The following PTPRD variants were observed in gnomAD, a reference collection of about 807,000 sequenced individuals.
PTPRD encodes protein tyrosine phosphatase receptor type D, also known as receptor-type tyrosine-protein phosphatase delta.
Under a neutral mutation model 214.5 loss-of-function variants are expected in PTPRD, and 34 were observed. That is an observed-to-expected ratio of 0.16 (90% confidence interval 0.12 to 0.21). The LOEUF is 0.21. Among genes scored for constraint, PTPRD ranks in the 10% least tolerant of loss-of-function variants. The pLI, the probability that PTPRD is intolerant of heterozygous loss-of-function variation, is 1.00. For missense variants in PTPRD, 2,545 were observed against 2,398.7 expected (o/e 1.06, Z -1.27); for synonymous variants, 1,128 against 845.7 (o/e 1.33, Z -5.79).
intron 7 of PTPRD, among the ~76,000 whole-genome samples, chr9:9,629,445 C>A (rs2095522876): frequency 6.6e-6 from 1 of 151,998 alleles, no homozygotes; most frequent in African/African-American, 2.4e-5. Flanking sequence ...AGAAAACTGT[C>A]TTTGAATCTT....
intron 4 of PTPRD, among the ~76,000 whole-genome samples, chr9:10,007,114 A>G (rs2096494950): frequency 6.6e-6 from 1 of 152,008 alleles, no homozygotes; most frequent in African/African-American, 2.4e-5. Flanking sequence ...ATTAAAGATC[A>G]AAGAGTTTAA....
At position 9,305,235 on chromosome 9, in the gene PTPRD, C is replaced by A. The variant is rs894696161; in HGVS notation, c.-203+92214G>T. On this transcript the variant is annotated intron_variant, in intron 9 of 45. Transcript: ENST00000381196. ...TCTTACCTAGCTGCAGTTTCATTTT[C>A]TATTCTGTCATTGTAGATATTTACT... is the stretch of plus-strand genomic sequence containing the variant. Among the ~76,000 whole-genome samples, 3 of 151,800 alleles carry A rather than the reference C, an allele frequency of 2.0e-5. No individual in the cohort carries two copies. The Admixed American group carries it at 2.0e-4, about 10-fold the overall frequency.
At chr9:8,442,897 G>A (rs2095594233) in intron 34 of PTPRD, among the ~76,000 whole-genome samples, 1 of 151,780 alleles carries the variant, frequency 6.6e-6, no homozygotes, top group Non-Finnish European at 1.5e-5. Flanking sequence ...GCAATGAATG[G>A]CATAATTAAA....
Position 10,449,730 on chromosome 9 carries a change from A to G in PTPRD, c.-599-108713T>C, listed in dbSNP as rs550251050. Reference sequence around the variant, plus strand: ...AGCCCCTCTGCCCGGCAGCCACCCCATCTGGGAGGTGTACCCAACAGCTCA... The same window carrying G: ...AGCCCCTCTGCCCGGCAGCCACCCCGTCTGGGAGGTGTACCCAACAGCTCA... On this transcript the variant is annotated intron_variant, in intron 2 of 45. Coordinates refer to ENST00000381196, the MANE Select transcript of PTPRD (RefSeq NM_002839.4). Among the ~76,000 whole-genome samples the G allele has an allele frequency of 6.3e-3, 920 of 145,646 alleles. 12 individuals carry two copies. The highest frequency in any genetic ancestry group is 1.0e-2 in the South Asian group (45 of 4,502).
chr9:9,696,476 G>T (rs1015186692), intron 7 of PTPRD, among the ~76,000 whole-genome samples: 1 of 151,900 alleles, frequency 6.6e-6, no homozygotes, highest in Admixed American at 6.6e-5. Flanking sequence ...TTTATAATTG[G>T]GTGCTCCTGT....
At chr9:9,538,492 C>T (rs916498843) in intron 8 of PTPRD, among the ~76,000 whole-genome samples, 1 of 151,768 alleles carries the variant, frequency 6.6e-6, no homozygotes, top group Non-Finnish European at 1.5e-5. Flanking sequence ...AAATCTCTGT[C>T]GTCTTTAAAA....
intron 3 of PTPRD, among the ~76,000 whole-genome samples, chr9:10,313,721 G>A (rs371420663): frequency 5.9e-5 from 9 of 152,006 alleles, no homozygotes; most frequent in South Asian, 2.1e-4. Flanking sequence ...ATCTGCTTCC[G>A]ATGTGTTTTT....
chr9:8,466,933 G>C (rs912315435), intron 31 of PTPRD, among the ~76,000 whole-genome samples: 2 of 151,762 alleles, frequency 1.3e-5, no homozygotes, highest in East Asian at 3.9e-4. Context: ...TGATAAAATG[G>C]CTTCAGACTG....
intron 11 of PTPRD, among the ~76,000 whole-genome samples, chr9:8,933,227 G>T (rs2098965416): frequency 6.6e-6 from 1 of 151,652 alleles, no homozygotes; most frequent in Non-Finnish European, 1.5e-5. Flanking sequence ...AATGAGATGA[G>T]CAGGGTACAT....
chr9:10,501,914 C>A (rs532965354), intron 2 of PTPRD, among the ~76,000 whole-genome samples: 6 of 151,968 alleles, frequency 3.9e-5, no homozygotes, highest in African/African-American at 1.4e-4. Context: ...ACGATCCTAT[C>A]CCCTGAGAGA....
At chr9:8,571,516 A>G (rs1042272521) in intron 14 of PTPRD, among the ~76,000 whole-genome samples, 1 of 152,182 alleles carries the variant, frequency 6.6e-6, no homozygotes, top group Non-Finnish European at 1.5e-5. Context: ...ATAAGGAAAT[A>G]AGCATTTTGC....
intron 10 of PTPRD, among the ~76,000 whole-genome samples, chr9:9,105,367 T>C (rs564424765): frequency 3.9e-5 from 6 of 152,322 alleles, no homozygotes; most frequent in Admixed American, 3.9e-4. Flanking sequence ...GCAGATTCTC[T>C]AAGTCAACTT....
At chr9:9,810,094 G>C (rs1018970471) in intron 5 of PTPRD, among the ~76,000 whole-genome samples, 1 of 116,478 alleles carries the variant, frequency 8.6e-6, no homozygotes, top group Non-Finnish European at 1.6e-5. Context: ...TCAGTGTAAA[G>C]ATGAAGATGA....
chr9:10,188,645 A>G (rs1341981487), intron 3 of PTPRD, among the ~76,000 whole-genome samples: 1 of 151,944 alleles, frequency 6.6e-6, no homozygotes, highest in Non-Finnish European at 1.5e-5. Flanking sequence ...GAAAGCATGT[A>G]TCTCAATAGG....
At chr9:10,392,510 T>C (rs1587014709) in intron 2 of PTPRD, among the ~76,000 whole-genome samples, 1 of 151,928 alleles carries the variant, frequency 6.6e-6, no homozygotes, top group Non-Finnish European at 1.5e-5. Context: ...TGAATATTTA[T>C]CCAGAATGTT....
chr9:10,252,484 TC>T (rs1411911752), intron 3 of PTPRD, among the ~76,000 whole-genome samples: 1 of 151,884 alleles, frequency 6.6e-6, no homozygotes, highest in Admixed American at 6.6e-5. Context: ...CTCCATTGTC[TC>T]CCCCATTTTC....
chr9:8,432,693 C>T (rs1306838259), intron 35 of PTPRD, among the ~76,000 whole-genome samples: 1 of 152,308 alleles, frequency 6.6e-6, no homozygotes, highest in Non-Finnish European at 1.5e-5. Context: ...TTTTTCCCCA[C>T]AAAATGTTGC....
chr9:9,791,630 C>T (rs944263578), intron 5 of PTPRD, among the ~76,000 whole-genome samples: 2 of 152,068 alleles, frequency 1.3e-5, no homozygotes, highest in African/African-American at 4.8e-5. Context: ...CTTTCTTTTA[C>T]ATTATTTGCA....
intron 3 of PTPRD, among the ~76,000 whole-genome samples, chr9:10,308,472 G>A (rs1352310087): frequency 6.6e-6 from 1 of 151,996 alleles, no homozygotes; most frequent in African/African-American, 2.4e-5. Context: ...TAGCTTTGTA[G>A]TATATTTTGA....
Sources: gnomAD v4.1 joint callset for allele counts (sites outside exome capture counted in the v4.1 genomes callset) on GRCh38, gnomAD v4.1.1 for gene constraint, MANE v1.5 for transcripts, NCBI Gene and HGNC (gene_info 2026-07-23, HGNC 2026-07-21) for gene names.